Variants in CCDC148 observed in about 807,000 individuals in gnomAD.
The protein encoded by CCDC148 is coiled-coil domain containing 148, also known as coiled-coil domain-containing protein 148.
In CCDC148, 89 loss-of-function variants were observed where a neutral mutation model predicts 85.7. The ratio of observed to expected loss-of-function variants is 1.04; its 90% CI spans 0.87 to 1.24. The LOEUF (loss-of-function observed/expected upper bound fraction) is 1.24. Ranked by LOEUF, CCDC148 falls within the 50% of genes most tolerant of loss-of-function variation. The pLI, the probability that CCDC148 is intolerant of heterozygous loss-of-function variation, is 0.00. For synonymous variants in CCDC148, 230 were observed against 213.9 expected, an observed-to-expected ratio of 1.08 and a Z score of -0.66; for missense variants, 692 against 671.7, an observed-to-expected ratio of 1.03 and a Z score of -0.33.
intron 1 of CCDC148, among the ~76,000 whole-genome samples, chr2:158,384,131 C>T (rs1684987623): frequency 6.6e-6 from 1 of 152,188 alleles, no homozygotes; most frequent in African/African-American, 2.4e-5. Context: ...CCTGATTTCC[C>T]TTTGTCCATT....
chr2:158,340,478 T>C, intron 4 of CCDC148, 85 bp from the exon 5 acceptor site: 1 of 1,503,086 alleles, frequency 6.7e-7, no homozygotes, highest in South Asian at 1.3e-5. Flanking sequence ...CAGATTTATT[T>C]GGGGATTTCC....
intron 11 of CCDC148, among the ~76,000 whole-genome samples, chr2:158,217,937 G>T (rs537258748): frequency 1.3e-5 from 2 of 152,102 alleles, no homozygotes; most frequent in Non-Finnish European, 2.9e-5. Context: ...CCAATCAACC[G>T]AATTTCTTAG....
At chr2:158,417,179 G>C (rs1267802869) in intron 1 of CCDC148, among the ~76,000 whole-genome samples, 2 of 152,204 alleles carry the variant, frequency 1.3e-5, no homozygotes, top group Non-Finnish European at 2.9e-5. Context: ...GATTTGGGCA[G>C]GGACACAAAT....
intron 9 of CCDC148, among the ~76,000 whole-genome samples, chr2:158,275,991 C>CA (rs71404401): frequency 0.11 from 15,606 of 143,350 alleles, 792 homozygotes; most frequent in Non-Finnish European, 0.11. Flanking sequence ...TCTAATTTAT[C>CA]AAAAAAAAAA....
intron 10 of CCDC148, 114 bp downstream of exon 10, chr2:158,250,658 A>G (rs1688752200): frequency 7.3e-7 from 1 of 1,365,990 alleles, no homozygotes; most frequent in African/African-American, 1.5e-5. Context: ...CTAGATCTTT[A>G]TGAATGTTCT....
At chr2:158,290,787 C>A (rs1468970179) in intron 9 of CCDC148, among the ~76,000 whole-genome samples, 1 of 152,108 alleles carries the variant, frequency 6.6e-6, no homozygotes, top group Non-Finnish European at 1.5e-5. Context: ...ATTTGATTCC[C>A]TAATATTTGG....
chr2:158,396,330 A>T (rs1020257908), intron 1 of CCDC148, among the ~76,000 whole-genome samples: 1 of 152,066 alleles, frequency 6.6e-6, no homozygotes, highest in African/African-American at 2.4e-5. Context: ...TCATTTTTTT[A>T]GATAGGACAT....
intron 9 of CCDC148, among the ~76,000 whole-genome samples, chr2:158,294,641 T>C (rs912992022): frequency 1.3e-5 from 2 of 152,028 alleles, no homozygotes; most frequent in South Asian, 2.1e-4. Flanking sequence ...CGGGGCAACA[T>C]GGTGAAACCC....
intron 1 of CCDC148, among the ~76,000 whole-genome samples, chr2:158,444,699 C>T (rs1688082552): frequency 7.2e-6 from 1 of 139,204 alleles, no homozygotes; most frequent in South Asian, 2.5e-4. Context: ...AGGAGGATCA[C>T]TTGAGCTGGG....
chr2:158,429,386 T>TAGATAGATAGATAGAC (rs1553521126), intron 1 of CCDC148, among the ~76,000 whole-genome samples: 21 of 151,882 alleles, frequency 1.4e-4, no homozygotes, highest in African/African-American at 4.8e-4. Flanking sequence ...GATAGATAGA[T>TAGATAGATAGATAGAC]AGATAGATAG....
intron 11 of CCDC148, among the ~76,000 whole-genome samples, chr2:158,181,657 A>C (rs1312783596): frequency 1.3e-5 from 2 of 152,154 alleles, no homozygotes; most frequent in Non-Finnish European, 2.9e-5. Flanking sequence ...AGAGAATAGA[A>C]AGAATGATTC....
At chr2:158,250,042 T>C (rs1265883456) in intron 10 of CCDC148, among the ~76,000 whole-genome samples, 2 of 152,134 alleles carry the variant, frequency 1.3e-5, no homozygotes, top group Admixed American at 1.3e-4. Flanking sequence ...ATTTAAAAAA[T>C]GGTTCATATA....
At chr2:158,277,360 T>C (rs979231191) in intron 9 of CCDC148, among the ~76,000 whole-genome samples, 2 of 152,172 alleles carry the variant, frequency 1.3e-5, no homozygotes, top group African/African-American at 4.8e-5. Context: ...TCCTGATACT[T>C]ACCATTCACA....
At chr2:158,223,766 G>T (rs1254076061) in intron 10 of CCDC148, among the ~76,000 whole-genome samples, 2 of 152,188 alleles carry the variant, frequency 1.3e-5, no homozygotes, top group African/African-American at 4.8e-5. Context: ...GGTGCTGACT[G>T]TTAGAAGGAA....
chr2:158,407,216 C>A (rs1686065375), intron 1 of CCDC148, among the ~76,000 whole-genome samples: 1 of 152,108 alleles, frequency 6.6e-6, no homozygotes, highest in Non-Finnish European at 1.5e-5. Flanking sequence ...TCCCTGAATT[C>A]TCATTTCTAA....
chr2:158,217,180 G>A (rs1212876458), intron 11 of CCDC148, among the ~76,000 whole-genome samples: 3 of 151,888 alleles, frequency 2.0e-5, no homozygotes, highest in East Asian at 1.9e-4. Context: ...GAAGGTAAAT[G>A]TGATTAATAA....
chr2:158,328,014 A>G (rs1692871915), intron 7 of CCDC148, among the ~76,000 whole-genome samples: 1 of 151,610 alleles, frequency 6.6e-6, no homozygotes, highest in Non-Finnish European at 1.5e-5. Flanking sequence ...TTACTAAATT[A>G]TCTCATTTCT....
chr2:158,340,832 TA>T (rs921624355), intron 3 of CCDC148, 152 bp from the exon 4 acceptor site: 40 of 593,992 alleles, frequency 6.7e-5, no homozygotes, highest in Admixed American at 9.9e-5. Flanking sequence ...GAGTCTTTAC[TA>T]GACACTGAGG....
rs1220919859 is a variant in CCDC148, at chr2:158,340,613, C to G, written c.319G>C (p.Asp107His). 1 of 1,587,052 alleles carries G rather than the reference C, an allele frequency of 6.3e-7. No homozygotes were observed. The highest frequency in any genetic ancestry group is 8.6e-7 in the Non-Finnish European group (1 of 1,165,374). The change falls in exon 4 of 14, where the codon GAC becomes CAC. Residue 107 changes from aspartate to histidine, a missense_variant. Coordinates refer to ENST00000283233, the MANE Select transcript of CCDC148 (RefSeq NM_138803.4). ...EENIGNECLC[D>H]LTNFEQELSE... ...AAAATCTTACCAAAATTTGTAAGGTCACAAAGACATTCATTTCCAATGTTC... is the reference window on the plus strand; with the variant it reads ...AAAATCTTACCAAAATTTGTAAGGTGACAAAGACATTCATTTCCAATGTTC...
Sources: allele counts gnomAD v4.1 joint callset (sites outside exome capture counted in the v4.1 genomes callset), GRCh38; gene constraint gnomAD v4.1.1; transcripts MANE v1.5; gene names NCBI Gene and HGNC (gene_info 2026-07-23, HGNC 2026-07-21).